The following CEACAM5 variants were observed in gnomAD, a reference collection of about 807,000 sequenced individuals.
The protein encoded by CEACAM5 is CEA cell adhesion molecule 5.
Under a neutral mutation model 63.0 loss-of-function variants are expected in CEACAM5, and 52 were observed. The ratio of observed to expected loss-of-function variants is 0.83; its 90% CI spans 0.66 to 1.04. CEACAM5 has a LOEUF of 1.04. Ranked by LOEUF, CEACAM5 falls within the 50% of genes least tolerant of loss-of-function variation. CEACAM5 has a pLI of 0.00. For synonymous variants in CEACAM5, 357 were observed against 351.3 expected (o/e 1.02, Z -0.18); for missense variants, 790 against 864.8 (o/e 0.91, Z 1.08).
intron 9 of CEACAM5, among the ~76,000 whole-genome samples, chr19:41,728,712 G>A (rs1458024899): frequency 1.4e-5 from 2 of 147,244 alleles, no homozygotes; most frequent in Non-Finnish European, 3.0e-5. Context: ...GCTTGAACCC[G>A]GGAGGTGGAG....
Position 41,715,767 on chromosome 19 carries a change from A to T in CEACAM5, c.821A>T (p.Asn274Ile), listed in dbSNP as rs782355979. Residue 274 changes from asparagine to isoleucine, a missense_variant, in exon 4 of 10, where the codon AAT becomes ATT. Asn to Ile is a moderately radical substitution (Grantham distance 149). Transcript: ENST00000221992. ...NPPAQYSWFV[N>I]GTFQQSTQEL... is the part of the protein sequence containing the mutation. ...CCTGCACAGTACTCTTGGTTTGTCA[A>T]TGGGACTTTCCAGCAATCCACCCAA... is the stretch of plus-strand genomic sequence containing the variant. 2.5e-6 allele frequency: 4 copies of T among 1,614,074 alleles called. No individual in the cohort carries two copies. Among genetic ancestry groups the T allele is most frequent in the African/African-American group, 1.3e-5 (1 of 74,934 alleles).
At chr19:41,716,455 G>A (rs1389927291) in intron 4 of CEACAM5, among the ~76,000 whole-genome samples, 1 of 152,210 alleles carries the variant, frequency 6.6e-6, no homozygotes, top group South Asian at 2.1e-4. Flanking sequence ...GAAGGAGCCC[G>A]GGTGGTCTGT....
intron 4 of CEACAM5, 151 bp from the exon 5 acceptor site, chr19:41,717,304 T>G: frequency 1.2e-6 from 1 of 815,492 alleles, no homozygotes; most frequent in South Asian, 1.7e-5. Context: ...CAGATCATTG[T>G]GCATCTGTCT....
intron 8 of CEACAM5, among the ~76,000 whole-genome samples, chr19:41,724,227 T>C (rs2072667379): frequency 6.6e-6 from 1 of 152,232 alleles, no homozygotes; most frequent in Non-Finnish European, 1.5e-5. Context: ...GAAAAGACTG[T>C]CCTTTCCCCA....
chr19:41,717,813 T>C, intron 5 of CEACAM5, 80 bp downstream of exon 5: 2 of 1,537,186 alleles, frequency 1.3e-6, no homozygotes, highest in Non-Finnish European at 8.9e-7. Context: ...TCAGTCCCTC[T>C]CAGGCCCAAG....
Position 41,720,201 on chromosome 19 carries a change from T to G in CEACAM5, c.1764T>G (p.Asp588Glu). 1.2e-6 allele frequency: 2 copies of G among 1,613,782 alleles called. No individual in the cohort carries two copies. The highest frequency in any genetic ancestry group is 1.7e-6 in the Non-Finnish European group (2 of 1,179,664). Residue 588 changes from aspartate (D) to glutamate (E), a missense_variant, in exon 7 of 10, where the codon GAT (aspartate) becomes GAG (glutamate). By Grantham distance (45) the Asp-to-Glu change is conservative. Coordinates refer to ENST00000221992, the MANE Select transcript of CEACAM5 (RefSeq NM_004363.6). Reference sequence around the variant, plus strand: ...ACCGCAGTGACCCAGTCACCCTGGATGTCCTCTGTGAGTATCTTCTGTTCC... The same window carrying G: ...ACCGCAGTGACCCAGTCACCCTGGAGGTCCTCTGTGAGTATCTTCTGTTCC... ...SANRSDPVTLDVLYGPDTPII... is the reference protein window; with the variant it reads ...SANRSDPVTLEVLYGPDTPII...
chr19:41,719,578 G>C (rs1216841200), intron 6 of CEACAM5, among the ~76,000 whole-genome samples: 4 of 152,320 alleles, frequency 2.6e-5, no homozygotes, highest in East Asian at 3.9e-4. Context: ...CCGTGCAGCT[G>C]AACGGAATTC....
intron 8 of CEACAM5, among the ~76,000 whole-genome samples, chr19:41,723,994 A>T (rs893690334): frequency 1 from 151,550 of 151,582 alleles, 75,759 homozygotes; most frequent in Middle Eastern, 1. Context: ...CCAGTTTATC[A>T]ATTTTTTTCT....
Position 41,709,990 on chromosome 19 carries a change from A to C in CEACAM5, c.375A>C (p.Ile125=), listed in dbSNP as rs782811516. Residue 125 remains isoleucine, a synonymous_variant, in exon 2 of 10, where the codon ATA becomes ATC. Transcript: ENST00000221992. ...CAGGATTCTACACCCTACACGTCAT[A>C]AAGTCAGATCTTGTGAATGAAGAAG... is the stretch of plus-strand genomic sequence containing the variant. ...NDTGFYTLHV[I]KSDLVNEEAT... is the part of the protein sequence containing the mutation. 6.2e-7 allele frequency: 1 copy of C among 1,612,402 alleles called. No homozygotes were observed. Among genetic ancestry groups the C allele is most frequent in the Non-Finnish European group, 8.5e-7 (1 of 1,179,044 alleles).
In CEACAM5 at chr19:41,708,878, G is replaced by A. The variant is rs114263190; in HGVS notation, c.64+83G>A. 1.8e-3 allele frequency: 1,739 copies of A among 989,348 alleles called. 22 individuals are homozygous for A. In the African/African-American group the frequency reaches 0.026, roughly 15 times the overall value. The allele number at this position is 989,348 out of a possible 1,614,324, so 61.3% of individuals were successfully genotyped here. Reference sequence around the variant, plus strand: ...GGACAGGGCTGTGAGACGGACAGAGGGCTCCTGTTGGAGCCTGAATAGGGA... The same window carrying A: ...GGACAGGGCTGTGAGACGGACAGAGAGCTCCTGTTGGAGCCTGAATAGGGA... On this transcript the variant is annotated intron_variant, in intron 1 of 9. Coordinates refer to ENST00000221992, the MANE Select transcript of CEACAM5 (RefSeq NM_004363.6).
intron 9 of CEACAM5, among the ~76,000 whole-genome samples, chr19:41,728,062 G>C (rs2072723701): frequency 6.6e-6 from 1 of 152,302 alleles, no homozygotes; most frequent in African/African-American, 2.4e-5. Context: ...AACAAAGACT[G>C]TAGCATTAAC....
intron 4 of CEACAM5, among the ~76,000 whole-genome samples, chr19:41,716,256 T>G (rs570406787): frequency 2.0e-5 from 3 of 152,352 alleles, no homozygotes; most frequent in Admixed American, 2.0e-4. Flanking sequence ...CTTTGTGTTC[T>G]TTTGCCTACT....
At chr19:41,727,003 C>G (rs1555817174) in intron 8 of CEACAM5, among the ~76,000 whole-genome samples, 1 of 152,126 alleles carries the variant, frequency 6.6e-6, no homozygotes, top group Non-Finnish European at 1.5e-5. Context: ...AATTTCAAAG[C>G]CTTCAGAAAT....
intron 8 of CEACAM5, among the ~76,000 whole-genome samples, chr19:41,724,633 T>C (rs1435942152): frequency 6.6e-6 from 1 of 152,244 alleles, no homozygotes; most frequent in Non-Finnish European, 1.5e-5. Flanking sequence ...ATGTTGTCTT[T>C]AATTTCCTTC....
chr19:41,709,783 C>A lies in CEACAM5; in HGVS notation c.168C>A (p.His56Gln), dbSNP rs1400006391. 1 of 1,614,044 alleles carries A rather than the reference C, an allele frequency of 6.2e-7. No homozygotes were observed. The highest frequency in any genetic ancestry group is 8.5e-7 in the Non-Finnish European group (1 of 1,180,034). Residue 56 changes from histidine to glutamine, a missense_variant, in exon 2 of 10, where the codon CAC becomes CAA. Coordinates refer to ENST00000221992, the MANE Select transcript of CEACAM5 (RefSeq NM_004363.6). Reference sequence around the variant, plus strand: ...GGAAGGAGGTGCTTCTACTTGTCCACAATCTGCCCCAGCATCTTTTTGGCT... The same window carrying A: ...GGAAGGAGGTGCTTCTACTTGTCCAAAATCTGCCCCAGCATCTTTTTGGCT... ...AEGKEVLLLV[H>Q]NLPQHLFGYS... is the part of the protein sequence containing the mutation.
intron 4 of CEACAM5, 53 bp downstream of exon 4, chr19:41,715,957 G>A: frequency 6.3e-7 from 1 of 1,583,258 alleles, no homozygotes; most frequent in East Asian, 2.2e-5. Context: ...AGTCTGTCTG[G>A]TTTTCAAACA....
intron 2 of CEACAM5, among the ~76,000 whole-genome samples, chr19:41,714,105 C>T (rs2122783789): frequency 6.6e-6 from 1 of 152,208 alleles, no homozygotes; most frequent in East Asian, 1.9e-4. Flanking sequence ...GTCCCAGCTA[C>T]TCGGGAGGCT....
intron 9 of CEACAM5, among the ~76,000 whole-genome samples, chr19:41,728,336 C>T (rs58062053): frequency 0.072 from 10,900 of 152,150 alleles, 785 homozygotes; most frequent in African/African-American, 0.19. Flanking sequence ...TAAGTCCCAC[C>T]GATAAATTCC....
chr19:41,719,282 T>C (rs2072579114), intron 6 of CEACAM5, among the ~76,000 whole-genome samples: 1 of 152,220 alleles, frequency 6.6e-6, no homozygotes, highest in Non-Finnish European at 1.5e-5. Flanking sequence ...TTTCTATGTA[T>C]GCAGTTTAGT....
Sources: allele counts gnomAD v4.1 joint callset (sites outside exome capture counted in the v4.1 genomes callset), GRCh38; gene constraint gnomAD v4.1.1; transcripts MANE v1.5; gene names NCBI Gene and HGNC (gene_info 2026-07-23, HGNC 2026-07-21).